The following TTC7A variants were observed in gnomAD, a reference collection of about 807,000 sequenced individuals.
TTC7A encodes the protein tetratricopeptide repeat domain 7A.
TTC7A carries 110 observed loss-of-function variants against 103.7 expected under a neutral mutation model. That is an observed-to-expected ratio of 1.06 (90% CI 0.91 to 1.24). TTC7A has a LOEUF of 1.24. TTC7A is among the 50% of genes most tolerant of loss of function. The pLI, the probability that TTC7A is intolerant of heterozygous loss-of-function variation, is 0.00. For synonymous variants in TTC7A, 521 were observed against 467.9 expected (o/e 1.11, Z -1.47); for missense variants, 1,340 against 1,116.3 (o/e 1.20, Z -2.86).
intron 2 of TTC7A, among the ~76,000 whole-genome samples, chr2:46,934,787 C>CTTTTTTTTTTTTTTTTTTTT (rs1161003607): frequency 1.5e-5 from 1 of 66,888 alleles, no homozygotes; most frequent in Non-Finnish European, 2.7e-5. Flanking sequence ...GACTACTGCT[C>CTTTTTTTTTTTTTTTTTTTT]TTTTTTTTTT....
Position 47,046,280 on chromosome 2 carries a change from TG to T in TTC7A, c.1803-31del, listed in dbSNP as rs1413150628. 7 of 1,561,670 alleles carry T rather than the reference TG, an allele frequency of 4.5e-6. No individual in the cohort carries two copies. The African/African-American group carries it at 9.5e-5, about 21-fold the overall frequency. The stretch of plus-strand genomic sequence containing the variant: ...TCCCCAGGTGAAAGTGGGCCCTTGC[TG>T]GGGTGTGCTGATGGCCACTCTCCGT... On this transcript the variant is annotated intron_variant, in intron 15 of 19. Transcript: ENST00000319190.
intron 5 of TTC7A, among the ~76,000 whole-genome samples, chr2:46,985,070 A>G (rs1033296510): frequency 6.6e-6 from 1 of 152,164 alleles, no homozygotes. Flanking sequence ...GAGGCCACGC[A>G]TGAGGGTTGT....
At chr2:47,018,792 C>T (rs911720244) in intron 11 of TTC7A, among the ~76,000 whole-genome samples, 1 of 151,986 alleles carries the variant, frequency 6.6e-6, no homozygotes, top group African/African-American at 2.4e-5. Context: ...AGCACCTCAT[C>T]CAGGGAGAGA....
At chr2:46,925,424 G>T (rs1049532007) in intron 2 of TTC7A, among the ~76,000 whole-genome samples, 1 of 152,182 alleles carries the variant, frequency 6.6e-6, no homozygotes, top group Non-Finnish European at 1.5e-5. Context: ...CGGGCATGGT[G>T]GTGGGCGCTT....
intron 2 of TTC7A, 135 bp from the exon 3 acceptor site, chr2:46,956,704 C>A: frequency 2.3e-6 from 2 of 866,160 alleles, no homozygotes; most frequent in Non-Finnish European, 3.8e-6. Context: ...TGTGCTTGAG[C>A]ATCAAAGAAG....
At chr2:47,045,567 A>G (rs1204250998) in intron 15 of TTC7A, 1 of 152,244 alleles carries the variant, frequency 6.6e-6, no homozygotes, top group East Asian at 1.9e-4. Context: ...GCTTGCTCTC[A>G]TTGCACGGTA....
chr2:47,051,994 C>T lies in TTC7A; in HGVS notation c.2152+114C>T, dbSNP rs1200371200. ...AGGTGGGGACACCTTGCTAGGCCCA[C>T]GCGGGTTACAGAGTCCTCGCCTCTG... is the stretch of plus-strand genomic sequence containing the variant. On this transcript the variant is annotated intron_variant, in intron 18 of 19. Transcript: ENST00000319190. 47 of 1,379,952 alleles carry T rather than the reference C, an allele frequency of 3.4e-5. No homozygotes were observed. In the South Asian group the frequency reaches 5.2e-4, roughly 15 times the overall value. 85.5% of individuals were successfully genotyped at this position (1,379,952 alleles called of 1,614,324 possible). A position where few individuals can be genotyped will look rare whatever the true frequency, so the allele number is the denominator to read the frequency against.
intron 19 of TTC7A, among the ~76,000 whole-genome samples, chr2:47,065,293 G>GA (rs1170356062): frequency 2.6e-5 from 4 of 151,602 alleles, no homozygotes; most frequent in African/African-American, 7.3e-5. Context: ...TCTCAAAAAG[G>GA]AAAAAAATGA....
intron 2 of TTC7A, among the ~76,000 whole-genome samples, chr2:46,918,324 C>T (rs1323391973): frequency 1.3e-5 from 2 of 152,202 alleles, no homozygotes; most frequent in Non-Finnish European, 2.9e-5. Context: ...TTGATGCTAT[C>T]AAAATGTATC....
chr2:47,052,035 C>T (rs1395165396), intron 18 of TTC7A, among the ~76,000 whole-genome samples, 155 bp downstream of exon 18: 1 of 152,240 alleles, frequency 6.6e-6, no homozygotes, highest in Non-Finnish European at 1.5e-5. Flanking sequence ...GGGTCTCCTT[C>T]TCTGCCCAGT....
intron 19 of TTC7A, among the ~76,000 whole-genome samples, chr2:47,061,419 C>G (rs760596469): frequency 8.5e-5 from 13 of 152,184 alleles, no homozygotes; most frequent in Non-Finnish European, 4.4e-5. Context: ...AGTTCCACAT[C>G]TCTTTGGTGG....
chr2:47,046,497 G>A (rs1367263978), intron 16 of TTC7A, 66 bp downstream of exon 16: 1 of 1,296,078 alleles, frequency 7.7e-7, no homozygotes, highest in Non-Finnish European at 1.1e-6. Context: ...TCCACAGCTG[G>A]GTGGCCACCA....
intron 8 of TTC7A, among the ~76,000 whole-genome samples, chr2:46,995,962 C>T (rs1676137434): frequency 6.6e-6 from 1 of 152,268 alleles, no homozygotes; most frequent in African/African-American, 2.4e-5. Flanking sequence ...AGACAAAGCA[C>T]ACATGAAGTT....
chr2:46,917,293 G>C, intron 2 of TTC7A: 1 of 656,344 alleles, frequency 1.5e-6, no homozygotes, highest in Non-Finnish European at 2.7e-6. Flanking sequence ...CCACCGCGCC[G>C]GGACAAAGAA....
At chr2:46,981,785 GCCCA>G (rs972389089) in intron 5 of TTC7A, among the ~76,000 whole-genome samples, 1 of 152,204 alleles carries the variant, frequency 6.6e-6, no homozygotes, top group African/African-American at 2.4e-5. Flanking sequence ...AGGTATCCCT[GCCCA>G]ATGGAGCTGC....
At chr2:46,925,676 C>T (rs1359301142) in intron 2 of TTC7A, among the ~76,000 whole-genome samples, 1 of 152,190 alleles carries the variant, frequency 6.6e-6, no homozygotes, top group African/African-American at 2.4e-5. Context: ...GACTTCTCCC[C>T]TGCCACCTCC....
chr2:46,937,057 T>C (rs1402568546), upstream of TTC7A, among the ~76,000 whole-genome samples: 1 of 152,056 alleles, frequency 6.6e-6, no homozygotes, highest in Non-Finnish European at 1.5e-5. This position sits in a 1 kb window ranked among gnomAD's most constrained non-coding sequence, Gnocchi z 4.0. Flanking sequence ...GTTTTTGCCA[T>C]ATTGCCCAGG....
At position 47,046,321 on chromosome 2, in the gene TTC7A, G is replaced by A; in HGVS notation, c.1809G>A (p.Met603Ile). 6.2e-7 allele frequency: 1 copy of A among 1,613,618 alleles called. No homozygotes were observed. Among genetic ancestry groups the A allele is most frequent in the Non-Finnish European group, 8.5e-7 (1 of 1,179,662 alleles). Residue 603 changes from methionine (M) to isoleucine (I), a missense_variant, in exon 16 of 20, where the codon ATG becomes ATA. By Grantham distance (10) the Met-to-Ile change is conservative (BLOSUM62 1). Transcript: ENST00000319190. ...ITEHPENFNLMFTKVKLEQVL... is the reference protein window; with the variant it reads ...ITEHPENFNLIFTKVKLEQVL... ...CCACTCTCCGTCCCCACAGCCTGAT[G>A]TTCACCAAGGTGAAGCTGGAGCAGG...
intron 15 of TTC7A, chr2:47,040,318 G>T (rs573597223): frequency 2.6e-5 from 4 of 152,390 alleles, no homozygotes; most frequent in African/African-American, 9.6e-5. Context: ...AGCGCATGGG[G>T]TGTTTACACT....
Sources: gnomAD v4.1 joint callset for allele counts (sites outside exome capture counted in the v4.1 genomes callset) on GRCh38, gnomAD v4.1.1 for gene constraint, Gnocchi (gnomAD v3.1) non-coding constraint, MANE v1.5 for transcripts, NCBI Gene and HGNC (gene_info 2026-07-23, HGNC 2026-07-21) for gene names.